CPEB2: variants seen among roughly 807,000 people sequenced by gnomAD.
CPEB2 encodes the protein cytoplasmic polyadenylation element-binding protein 2.
A neutral mutation model predicts 93.6 loss-of-function variants in CPEB2; 56 were observed. That is an observed-to-expected ratio of 0.60 (90% confidence interval 0.48 to 0.75). CPEB2 has a LOEUF of 0.75. Ranked by LOEUF, CPEB2 falls within the 30% of genes least tolerant of loss-of-function variation. The probability of loss-of-function intolerance (pLI) is 0.00; values close to 1 mark genes in which losing one functional copy is unlikely to be tolerated. For synonymous variants in CPEB2, 764 were observed against 586.3 expected (o/e 1.30, Z -4.38); for missense variants, 1,579 against 1,395.1 (o/e 1.13, Z -2.10).
At chr4:15,013,551 A>C (rs1377097440) in intron 3 of CPEB2, among the ~76,000 whole-genome samples, 2 of 151,998 alleles carry the variant, frequency 1.3e-5, no homozygotes, top group African/African-American at 2.4e-5. Context: ...AATTTTTCCT[A>C]ATGTCTGTAT....
intron 5 of CPEB2, 48 bp downstream of exon 5, chr4:15,033,259 A>T (rs780392044): frequency 8.6e-7 from 1 of 1,156,672 alleles, no homozygotes; most frequent in South Asian, 1.3e-5. Flanking sequence ...TTATGTAAAG[A>T]TGATTTAATA....
chr4:15,003,814 AC>A lies in CPEB2; in HGVS notation c.1146del (p.Trp383GlyfsTer75), dbSNP rs1447545623. 2 of 979,022 alleles carry A rather than the reference AC, an allele frequency of 2.0e-6. No individual in the cohort carries two copies. Among genetic ancestry groups the A allele is most frequent in the Admixed American group, 4.3e-5 (1 of 23,476 alleles). The allele number at this position is 979,022 out of a possible 1,614,324, so 60.6% of individuals were successfully genotyped here. On this transcript the variant is annotated frameshift_variant, in exon 1 of 12. Coordinates refer to ENST00000538197, the MANE Select transcript of CPEB2 (RefSeq NM_001177382.2). LOFTEE classifies it high-confidence loss of function. ...ASPPPLPGFGTPWSVQTASPP... is the reference protein window; with the variant it reads ...ASPPPLPGFGXPWSVQTASPP... ...GCCGCCGCCGCTGCCCGGCTTCGGC[AC>A]CCCCTGGTCGGTGCAGACCGCGTCG...
intron 11 of CPEB2, among the ~76,000 whole-genome samples, chr4:15,062,615 CTT>C (rs1729302955): frequency 6.6e-6 from 1 of 152,034 alleles, no homozygotes; most frequent in African/African-American, 2.4e-5. Context: ...CTGTATGCCT[CTT>C]TTTCCTCACT....
chr4:15,040,643 C>G (rs1181078017), intron 6 of CPEB2, among the ~76,000 whole-genome samples, 156 bp downstream of exon 6: 1 of 152,134 alleles, frequency 6.6e-6, no homozygotes, highest in Non-Finnish European at 1.5e-5. Context: ...TTTTAAATCT[C>G]CTAACCTTTG....
chr4:15,067,203 C>G lies in CPEB2; in HGVS notation c.*823C>G, dbSNP rs1729764434. 6.6e-6 allele frequency: 1 copy of G among 152,564 alleles called. No homozygotes were observed. The highest frequency in any genetic ancestry group is 2.4e-5 in the African/African-American group (1 of 41,526). 9.5% of individuals were successfully genotyped at this position (152,564 alleles called of 1,614,324 possible). ...TATTGCAAATGTTCAAAAAAGCTCT[C>G]TTGAATCTAGGTAGCATGAACAAAT... On this transcript the variant is annotated 3_prime_UTR_variant, in exon 12 of 12. Coordinates refer to ENST00000538197, the MANE Select transcript of CPEB2 (RefSeq NM_001177382.2).
At chr4:15,053,759 T>G (rs1728460383) in intron 7 of CPEB2, among the ~76,000 whole-genome samples, 1 of 152,200 alleles carries the variant, frequency 6.6e-6, no homozygotes, top group African/African-American at 2.4e-5. Flanking sequence ...ATAAAATGAT[T>G]TTATTTGTGA....
chr4:15,003,045 C>T lies in CPEB2; in HGVS notation c.372C>T (p.Gly124=), dbSNP rs1410023812. ...AGAAACTCCCCGACCACCACCCCGGCGGCGGCACGATCGCGGGTGTGACCC... is the reference window on the plus strand; with the variant it reads ...AGAAACTCCCCGACCACCACCCCGGTGGCGGCACGATCGCGGGTGTGACCC... ...ATEKLPDHHP[G]GGTIAGVTHL... The change falls in exon 1 of 12, where the codon GGC becomes GGT. Residue 124 remains glycine, a synonymous_variant. Coordinates refer to ENST00000538197, the MANE Select transcript of CPEB2 (RefSeq NM_001177382.2). 10 of 1,512,596 alleles carry T rather than the reference C, an allele frequency of 6.6e-6. No homozygotes were observed. Among genetic ancestry groups the T allele is most frequent in the Non-Finnish European group, 7.9e-6 (9 of 1,139,428 alleles). 93.7% of individuals were successfully genotyped at this position (1,512,596 alleles called of 1,614,324 possible). A position where few individuals can be genotyped will look rare whatever the true frequency, so the allele number is the denominator to read the frequency against.
chr4:15,033,281 G>C, intron 5 of CPEB2, 70 bp downstream of exon 5: 1 of 960,060 alleles, frequency 1.0e-6, no homozygotes, highest in Non-Finnish European at 1.7e-6. Context: ...ATGTTTCTCT[G>C]AACCTGTCCA....
intron 11 of CPEB2, among the ~76,000 whole-genome samples, chr4:15,065,396 A>G (rs1460103392): frequency 6.6e-6 from 1 of 152,024 alleles, no homozygotes; most frequent in Non-Finnish European, 1.5e-5. Context: ...TCCATTCATA[A>G]AGTTATCACA....
At position 15,066,699 on chromosome 4, in the gene CPEB2, G is replaced by C. The variant is rs1729727951; in HGVS notation, c.*319G>C. The C allele has an allele frequency of 3.5e-6, 1 of 284,894 alleles. No individual in the cohort carries two copies. Among genetic ancestry groups the C allele is most frequent in the Non-Finnish European group, 6.7e-6 (1 of 150,226 alleles). The allele number at this position is 284,894 out of a possible 1,614,324, so 17.6% of individuals were successfully genotyped here. On this transcript the variant is annotated 3_prime_UTR_variant, in exon 12 of 12. Transcript: ENST00000538197. Reference sequence around the variant, plus strand: ...TTGCGTAGGGGCAACACAGTCTGCTGCTATATAGTGGGGGAAGCGTGCACT... The same window carrying C: ...TTGCGTAGGGGCAACACAGTCTGCTCCTATATAGTGGGGGAAGCGTGCACT...
At chr4:15,030,604 G>A (rs1725990692) in intron 4 of CPEB2, among the ~76,000 whole-genome samples, 1 of 151,974 alleles carries the variant, frequency 6.6e-6, no homozygotes, top group Non-Finnish European at 1.5e-5. Context: ...AACTTTAAAA[G>A]TTAACCTATG....
chr4:15,054,319 T>G, intron 8 of CPEB2, 102 bp downstream of exon 8: 1 of 790,602 alleles, frequency 1.3e-6, no homozygotes, highest in Non-Finnish European at 2.1e-6. Context: ...AGAGACTTGC[T>G]ATGATTTGAT....
intron 10 of CPEB2, among the ~76,000 whole-genome samples, chr4:15,060,995 A>G (rs1175981306): frequency 6.6e-6 from 1 of 152,162 alleles, no homozygotes; most frequent in Admixed American, 6.6e-5. Flanking sequence ...AAAGATCTTG[A>G]CAACTTCATC....
At chr4:15,043,416 C>T (rs2109056489) in intron 6 of CPEB2, among the ~76,000 whole-genome samples, 1 of 152,244 alleles carries the variant, frequency 6.6e-6, no homozygotes, top group South Asian at 2.1e-4. Context: ...TACTTTAGAG[C>T]TGCCTAGGGG....
chr4:15,031,857 A>G (rs754569721), intron 4 of CPEB2, among the ~76,000 whole-genome samples: 9 of 152,104 alleles, frequency 5.9e-5, no homozygotes, highest in Admixed American at 5.9e-4. Flanking sequence ...ACAAAATCCA[A>G]CCGACAATCT....
chr4:15,045,503 A>G lies in CPEB2; in HGVS notation c.2200+5016A>G, dbSNP rs79544206. ...TTCTTGTTGCCTTGTAGTAGGGTCA[A>G]TAATTTTGATTTGGGTTTCTTTCAT... On this transcript the variant is annotated intron_variant, in intron 6 of 11. Transcript: ENST00000538197. Among the ~76,000 whole-genome samples, 14 of 152,268 alleles carry G rather than the reference A, an allele frequency of 9.2e-5. No homozygotes were observed. The East Asian group carries it at 2.3e-3, about 25-fold the overall frequency.
chr4:15,017,153 T>A (rs527824372), intron 3 of CPEB2, 35 bp from the exon 4 acceptor site: 2 of 1,202,446 alleles, frequency 1.7e-6, no homozygotes, highest in East Asian at 4.7e-5. Context: ...AAAAACTGCA[T>A]AGATTATAAT....
At chr4:15,029,816 C>G (rs1221641101) in intron 4 of CPEB2, among the ~76,000 whole-genome samples, 4 of 152,086 alleles carry the variant, frequency 2.6e-5, no homozygotes, top group Non-Finnish European at 5.9e-5. Flanking sequence ...CTAATATGGT[C>G]TCTTCACTTT....
Position 15,003,018 on chromosome 4 carries a change from G to C in CPEB2, c.345G>C (p.Thr115=). 6.7e-7 allele frequency: 1 copy of C among 1,496,438 alleles called. No individual in the cohort carries two copies. The highest frequency in any genetic ancestry group is 8.8e-7 in the Non-Finnish European group (1 of 1,134,660). 92.7% of individuals were successfully genotyped at this position (1,496,438 alleles called of 1,614,324 possible). Residue 115 remains threonine (T), a synonymous_variant, in exon 1 of 12, where the codon ACG becomes ACC. Transcript: ENST00000538197. ...PARPLSGAAA[T]EKLPDHHPGG... The stretch of plus-strand genomic sequence containing the variant: ...GGCCGCTTTCGGGGGCGGCGGCCAC[G>C]GAGAAACTCCCCGACCACCACCCCG...
Sources: allele counts gnomAD v4.1 joint callset (sites outside exome capture counted in the v4.1 genomes callset), GRCh38; gene constraint gnomAD v4.1.1; transcripts MANE v1.5; gene names NCBI Gene and HGNC (gene_info 2026-07-23, HGNC 2026-07-21).